RPS6KA2: variants seen among roughly 807,000 people sequenced by gnomAD.
RPS6KA2 encodes ribosomal protein S6 kinase A2, also known as ribosomal protein S6 kinase alpha-2.
RPS6KA2 carries 42 observed loss-of-function variants against 91.8 expected under a neutral mutation model. That is an observed-to-expected ratio of 0.46 (90% CI 0.36 to 0.59). The LOEUF (loss-of-function observed/expected upper bound fraction) is 0.59, where lower values mean the gene tolerates loss of function less well. Among genes scored for constraint, RPS6KA2 ranks in the 20% least tolerant of loss-of-function variants. RPS6KA2 has a pLI of 0.00. For synonymous variants in RPS6KA2, 414 were observed against 393.6 expected (o/e 1.05, Z -0.61); for missense variants, 798 against 978.5 (o/e 0.82, Z 2.46).
intron 10 of RPS6KA2, chr6:166,475,838 A>T (rs1206115416): frequency 2.0e-6 from 1 of 508,774 alleles, no homozygotes; most frequent in Non-Finnish European, 3.9e-6. Flanking sequence ...CCGTTTTCTC[A>T]CCTGCAGAGT....
chr6:166,862,293 C>A, exon 1 of RPS6KA2: 2 of 1,566,802 alleles, frequency 1.3e-6, no homozygotes, highest in South Asian at 2.3e-5. Flanking sequence ...CAGAGGCCGG[C>A]GGGTGGCGGC....
At chr6:166,857,989 T>C (rs1780951705) in intron 2 of RPS6KA2, 5 of 538,992 alleles carry the variant, frequency 9.3e-6, no homozygotes, top group South Asian at 8.0e-5. Flanking sequence ...GCTCCAGCTA[T>C]TCTTTTTGAG....
At chr6:166,693,232 ATTTT>A (rs1789260455) in intron 2 of RPS6KA2, among the ~76,000 whole-genome samples, 1 of 152,050 alleles carries the variant, frequency 6.6e-6, no homozygotes, top group African/African-American at 2.4e-5. Flanking sequence ...CAGCGATTGG[ATTTT>A]GCCTCCTATC....
intron 2 of RPS6KA2, among the ~76,000 whole-genome samples, chr6:166,741,721 G>A (rs1790821214): frequency 6.6e-6 from 1 of 152,210 alleles, no homozygotes; most frequent in Non-Finnish European, 1.5e-5. Context: ...CCAAGAGTGA[G>A]GTTAACGGAA....
At chr6:166,546,974 G>A (rs1783847694) in intron 1 of RPS6KA2, among the ~76,000 whole-genome samples, 1 of 152,076 alleles carries the variant, frequency 6.6e-6, no homozygotes, top group Admixed American at 6.6e-5. Context: ...TTTGAGACAG[G>A]GTCTTACTTT....
Position 166,767,621 on chromosome 6 carries a change from G to A in RPS6KA2, c.123+90579C>T, listed in dbSNP as rs1778351017. Among the ~76,000 whole-genome samples, 1 of 152,184 alleles carries A rather than the reference G, an allele frequency of 6.6e-6. No homozygotes were observed. The highest frequency in any genetic ancestry group is 2.4e-5 in the African/African-American group (1 of 41,442). On this transcript the variant is annotated intron_variant, in intron 2 of 21. Transcript: ENST00000503859. This position sits in a 1 kb window ranked among gnomAD's most constrained non-coding sequence, Gnocchi z 4.6. ...CCAGAATGTGTTGAGCGTCCACAAT[G>A]TTCCAGGCTTAGCCCCCGCACTGCA...
intron 2 of RPS6KA2, among the ~76,000 whole-genome samples, chr6:166,844,168 G>C (rs551316095): frequency 1.3e-5 from 2 of 152,122 alleles, no homozygotes; most frequent in Non-Finnish European, 2.9e-5. Flanking sequence ...GCAGAAGAAA[G>C]AACTTCAGAG....
At chr6:166,846,101 A>C (rs1230919806) in intron 2 of RPS6KA2, among the ~76,000 whole-genome samples, 1 of 152,228 alleles carries the variant, frequency 6.6e-6, no homozygotes, top group African/African-American at 2.4e-5. Flanking sequence ...ATAAACTAGA[A>C]AATCTAGAGG....
chr6:166,750,898 T>C (rs1791260747), intron 2 of RPS6KA2, among the ~76,000 whole-genome samples: 1 of 152,224 alleles, frequency 6.6e-6, no homozygotes, highest in African/African-American at 2.4e-5. Context: ...TCCCTCTTGC[T>C]GCGTAGACTG....
At chr6:166,607,202 T>A (rs1785985724) in intron 1 of RPS6KA2, among the ~76,000 whole-genome samples, 1 of 141,236 alleles carries the variant, frequency 7.1e-6, no homozygotes. Flanking sequence ...AATGTTGCAA[T>A]CACTTTGGAA....
Position 166,650,096 on chromosome 6 carries a change from AC to A in RPS6KA2, c.124-111313del, listed in dbSNP as rs1193443316. 2.0e-5 allele frequency among the ~76,000 whole-genome samples: 3 copies of A among 150,826 alleles called. No individual in the cohort carries two copies. The East Asian group carries it at 5.9e-4, about 30-fold the overall frequency. On this transcript the variant is annotated intron_variant, in intron 2 of 21. Transcript: ENST00000503859. Reference sequence around the variant, plus strand: ...TCCTTAAAAACCTGGAAATTTATATACCATGAGGAAACTTCCCTCAGCACCA... The same window carrying A: ...TCCTTAAAAACCTGGAAATTTATATACATGAGGAAACTTCCCTCAGCACCA...
At chr6:166,774,589 G>A (rs1032940941) in intron 2 of RPS6KA2, among the ~76,000 whole-genome samples, 1 of 152,140 alleles carries the variant, frequency 6.6e-6, no homozygotes, top group Non-Finnish European at 1.5e-5. Context: ...GCCAGCCAGG[G>A]TTTATTTCCT....
intron 11 of RPS6KA2, among the ~76,000 whole-genome samples, chr6:166,468,073 T>C (rs1045718979): frequency 6.6e-6 from 1 of 152,254 alleles, no homozygotes; most frequent in African/African-American, 2.4e-5. Flanking sequence ...CCATTCTTCA[T>C]GAAACAGGCT....
intron 1 of RPS6KA2, among the ~76,000 whole-genome samples, chr6:166,585,497 T>TA (rs1785139542): frequency 7.0e-5 from 7 of 99,774 alleles, no homozygotes; most frequent in African/African-American, 4.2e-4. Flanking sequence ...ATCAAACAAG[T>TA]CTTTTTTTTT....
intron 2 of RPS6KA2, among the ~76,000 whole-genome samples, chr6:166,810,149 T>C (rs993999485): frequency 6.6e-6 from 1 of 152,110 alleles, no homozygotes; most frequent in African/African-American, 2.4e-5. Context: ...TCGGATCTCG[T>C]GATAACTCAC....
At position 166,769,090 on chromosome 6, in the gene RPS6KA2, C is replaced by T. The variant is rs1245492294; in HGVS notation, c.123+89110G>A. ...GAACGACTCTCCAAGGGCACCCACA[C>T]CCTACCCTGGCCCTGAACTCTGTGC... On this transcript the variant is annotated intron_variant, in intron 2 of 21. Transcript: ENST00000503859. Among the ~76,000 whole-genome samples the T allele has an allele frequency of 4.6e-5, 7 of 152,274 alleles. No individual in the cohort carries two copies. In the East Asian group the frequency reaches 9.7e-4, roughly 21 times the overall value.
chr6:166,749,808 T>C (rs1382790746), intron 2 of RPS6KA2, among the ~76,000 whole-genome samples: 3 of 147,052 alleles, frequency 2.0e-5, no homozygotes, highest in African/African-American at 7.7e-5. Context: ...CTCCTTAATG[T>C]CTGCACTGCC....
At chr6:166,621,673 T>C (rs1360091874) in intron 1 of RPS6KA2, among the ~76,000 whole-genome samples, 1 of 152,040 alleles carries the variant, frequency 6.6e-6, no homozygotes, top group Admixed American at 6.5e-5. Flanking sequence ...CACAGATCCT[T>C]GGAGCAAAAA....
At chr6:166,747,501 T>G (rs964892168) in intron 2 of RPS6KA2, among the ~76,000 whole-genome samples, 1 of 152,204 alleles carries the variant, frequency 6.6e-6, no homozygotes, top group African/African-American at 2.4e-5. Context: ...ACATCGCATG[T>G]CTTAGTGACA....
Sources: allele counts gnomAD v4.1 joint callset (sites outside exome capture counted in the v4.1 genomes callset), GRCh38; gene constraint gnomAD v4.1.1; non-coding constraint Gnocchi (gnomAD v3.1); transcripts MANE v1.5; gene names NCBI Gene and HGNC (gene_info 2026-07-23, HGNC 2026-07-21).